FRMPD4: variants seen among roughly 807,000 people sequenced by gnomAD.
FRMPD4 encodes the protein FERM and PDZ domain containing 4.
Under a neutral mutation model 94.1 loss-of-function variants are expected in FRMPD4, and 22 were observed. The observed-to-expected ratio is 0.23, with a 90% CI of 0.17 to 0.33. The LOEUF (loss-of-function observed/expected upper bound fraction) is 0.33, where lower values mean the gene tolerates loss of function less well. Ranked by LOEUF, FRMPD4 falls within the 10% of genes least tolerant of loss-of-function variation. The pLI, the probability that FRMPD4 is intolerant of heterozygous loss-of-function variation, is 1.00. For missense variants in FRMPD4, 1,111 were observed against 1,339.9 expected (o/e 0.83, Z 2.67); for synonymous variants, 631 against 548.6 (o/e 1.15, Z -2.10).
At chrX:12,575,426 C>A (rs2058801457) in intron 2 of FRMPD4, among the ~76,000 whole-genome samples, 1 of 109,034 alleles carries the variant, frequency 9.2e-6, no homozygotes, top group South Asian at 4.1e-4. Context: ...TAGAATCAAG[C>A]CAAGTTAGAG....
chrX:12,448,941 C>T lies in FRMPD4; in HGVS notation c.42-49739C>T, dbSNP rs751179676. Among the ~76,000 whole-genome samples, 6 of 111,400 alleles carry T rather than the reference C, an allele frequency of 5.4e-5. No homozygotes were observed. The South Asian group carries it at 1.1e-3, about 21-fold the overall frequency. On this transcript the variant is annotated intron_variant, in intron 1 of 16. Transcript: ENST00000675598. ...TGATGCTTAAGGGTGCTTAGGATCC[C>T]GCTTGAACAGCCCACCTCTGCTCAG...
intron 2 of FRMPD4, among the ~76,000 whole-genome samples, chrX:12,527,141 T>C (rs1020676208): frequency 8.9e-6 from 1 of 112,279 alleles, no homozygotes; most frequent in African/African-American, 3.2e-5. Context: ...GTCTTTGAGA[T>C]TGTAAACTCA....
At chrX:12,057,511 T>C (rs919407090) in intron 3 of FRMPD4, among the ~76,000 whole-genome samples, 1 of 111,969 alleles carries the variant, frequency 8.9e-6, no homozygotes, top group African/African-American at 3.2e-5. Context: ...CTGAAAATAT[T>C]TTAACCATTT....
At chrX:12,188,184 C>T (rs5979538) in intron 1 of FRMPD4, among the ~76,000 whole-genome samples, 21,191 of 111,166 alleles carry the variant, frequency 0.19, 2,816 homozygotes, top group African/African-American at 0.48. Context: ...GTTTCTTTGT[C>T]TCTAAAAGCA....
intron 3 of FRMPD4, among the ~76,000 whole-genome samples, chrX:12,058,455 A>T: frequency 9.0e-6 from 1 of 110,820 alleles, no homozygotes; most frequent in African/African-American, 3.3e-5. Flanking sequence ...TATTTTGGAT[A>T]TCGGTTTCTG....
chrX:12,692,670 G>A (rs2060090119), intron 8 of FRMPD4, among the ~76,000 whole-genome samples: 1 of 112,060 alleles, frequency 8.9e-6, no homozygotes, highest in African/African-American at 3.2e-5. Context: ...TTTGCATTAC[G>A]TTAATTCATT....
At chrX:12,579,652 AT>A (rs755159722) in intron 2 of FRMPD4, among the ~76,000 whole-genome samples, 5 of 111,423 alleles carry the variant, frequency 4.5e-5, no homozygotes, top group Middle Eastern at 4.7e-3. Flanking sequence ...AAACCCATAG[AT>A]TTTTTTTAGA....
At chrX:12,335,289 G>A (rs1271153634) in intron 1 of FRMPD4, among the ~76,000 whole-genome samples, 2 of 110,079 alleles carry the variant, frequency 1.8e-5, no homozygotes, top group Non-Finnish European at 3.8e-5. Context: ...ACCATACCCA[G>A]CTAATTTTTA....
Position 12,716,259 on chromosome X carries a change from C to T in FRMPD4, c.1800C>T (p.Ala600=). The T allele has an allele frequency of 3.3e-6, 4 of 1,210,535 alleles. No individual in the cohort carries two copies. The highest frequency in any genetic ancestry group is 4.5e-6 in the Non-Finnish European group (4 of 894,405). ...ACCGGCACTTGTACATAGACAATGC[C>T]TATAGTTCAGATGGACTTAACCAGC... The part of the protein sequence containing the change: ...KEHRHLYIDN[A]YSSDGLNQQL... The change falls in exon 15 of 17, where the codon GCC becomes GCT. Residue 600 remains alanine, a synonymous_variant. Coordinates refer to ENST00000675598, the MANE Select transcript of FRMPD4 (RefSeq NM_001368397.1).
intron 1 of FRMPD4, among the ~76,000 whole-genome samples, chrX:12,428,255 C>T (rs934082160): frequency 9.0e-5 from 10 of 111,212 alleles, no homozygotes; most frequent in Non-Finnish European, 1.7e-4. Context: ...TATTCTCTGC[C>T]TAGCCAAGTA....
intron 1 of FRMPD4, among the ~76,000 whole-genome samples, chrX:12,318,417 T>C (rs2055159035): frequency 9.0e-6 from 1 of 111,562 alleles, no homozygotes; most frequent in African/African-American, 3.3e-5. Context: ...CCTAGCTACT[T>C]GGGAGGCTGA....
intron 3 of FRMPD4, among the ~76,000 whole-genome samples, chrX:12,110,324 G>A (rs2055346512): frequency 2.7e-5 from 3 of 112,171 alleles, no homozygotes. Context: ...AAAACCACAT[G>A]ATTATCTCAA....
intron 3 of FRMPD4, among the ~76,000 whole-genome samples, chrX:12,127,651 C>T (rs2055512283): frequency 8.9e-6 from 1 of 111,905 alleles, no homozygotes; most frequent in Non-Finnish European, 1.9e-5. Flanking sequence ...TATGCCTTTC[C>T]AACAGTCCCC....
intron 1 of FRMPD4, among the ~76,000 whole-genome samples, chrX:12,405,694 C>T (rs760867920): frequency 1.8e-5 from 2 of 111,479 alleles, no homozygotes; most frequent in African/African-American, 6.5e-5. Flanking sequence ...CATTATCTTA[C>T]TTTTCTGGAA....
At chrX:12,342,338 T>C (rs755839771) in intron 1 of FRMPD4, among the ~76,000 whole-genome samples, 38 of 112,085 alleles carry the variant, frequency 3.4e-4, no homozygotes, top group Non-Finnish European at 6.6e-4. Context: ...ATAGTGTACA[T>C]AGTTGGGCAA....
At chrX:12,703,096 C>T (rs1267200957) in intron 10 of FRMPD4, among the ~76,000 whole-genome samples, 1 of 112,738 alleles carries the variant, frequency 8.9e-6, no homozygotes, top group Non-Finnish European at 1.9e-5. Context: ...TGGTCAAAAA[C>T]GTCTCAGAGA....
chrX:11,847,076 C>A (rs1366352350), intron 1 of FRMPD4, among the ~76,000 whole-genome samples: 2 of 107,545 alleles, frequency 1.9e-5, no homozygotes, highest in South Asian at 4.2e-4. Flanking sequence ...AAAGAAACTA[C>A]CATCAGAGTG....
At chrX:12,694,744 G>T (rs1018135532) in intron 9 of FRMPD4, among the ~76,000 whole-genome samples, 2 of 111,677 alleles carry the variant, frequency 1.8e-5, no homozygotes, top group African/African-American at 6.5e-5. Flanking sequence ...CGTTTTCTCT[G>T]CCCACACAAA....
At chrX:12,107,090 C>G in intron 3 of FRMPD4, among the ~76,000 whole-genome samples, 1 of 111,718 alleles carries the variant, frequency 9.0e-6, no homozygotes, top group Non-Finnish European at 1.9e-5. Context: ...TGAGAAGGGA[C>G]AGATTGCCTC....
Sources: gnomAD v4.1 joint callset for allele counts (sites outside exome capture counted in the v4.1 genomes callset) on GRCh38, gnomAD v4.1.1 for gene constraint, MANE v1.5 for transcripts, NCBI Gene and HGNC (gene_info 2026-07-23, HGNC 2026-07-21) for gene names.